RBM7: variants seen among roughly 807,000 people sequenced by gnomAD.
RBM7 encodes the protein RNA-binding protein 7.
A neutral mutation model predicts 31.0 loss-of-function variants in RBM7; 13 were observed. That is an observed-to-expected ratio of 0.42 (90% CI 0.27 to 0.67). The LOEUF (loss-of-function observed/expected upper bound fraction) is 0.67. Ranked by LOEUF, RBM7 falls within the 30% of genes least tolerant of loss-of-function variation. RBM7 has a pLI of 0.24. For missense variants in RBM7, 245 were observed against 326.2 expected (o/e 0.75, Z 1.92); for synonymous variants, 106 against 111.2 (o/e 0.95, Z 0.30).
In RBM7 at chr11:114,408,504, C is replaced by G. The variant is rs1489475464; in HGVS notation, c.*697C>G. ...AAAAATACAGTGTTAGCATAAATCCCCTTTTCAGGAAGAACAAAAATGTCA... is the reference window on the plus strand; with the variant it reads ...AAAAATACAGTGTTAGCATAAATCCGCTTTTCAGGAAGAACAAAAATGTCA... On this transcript the variant is annotated 3_prime_UTR_variant, in exon 5 of 5. Coordinates refer to ENST00000375490, the MANE Select transcript of RBM7 (RefSeq NM_001286045.2). The G allele has an allele frequency of 6.6e-6, 1 of 152,654 alleles. No homozygotes were observed. The highest frequency in any genetic ancestry group is 1.5e-5 in the Non-Finnish European group (1 of 67,998). 9.5% of individuals were successfully genotyped at this position (152,654 alleles called of 1,614,324 possible).
At chr11:114,407,254 GAGT>G (rs1361489427) in intron 4 of RBM7, 188 bp from the exon 5 acceptor site, 1 of 516,128 alleles carries the variant, frequency 1.9e-6, no homozygotes, top group African/African-American at 1.9e-5. Flanking sequence ...TGAGGACAAA[GAGT>G]AGTATTTATG....
At chr11:114,406,373 A>G (rs1040971641) in intron 4 of RBM7, 8 of 152,218 alleles carry the variant, frequency 5.3e-5, no homozygotes, top group African/African-American at 1.9e-4. Flanking sequence ...GCAAAATGAA[A>G]TATAGAAGTC....
At chr11:114,404,887 A>C (rs1259335997) in intron 3 of RBM7, among the ~76,000 whole-genome samples, 5 of 152,238 alleles carry the variant, frequency 3.3e-5, no homozygotes, top group African/African-American at 1.2e-4. Context: ...ATTTAAAAAT[A>C]ATTTAAAACA....
intron 2 of RBM7, 40 bp from the exon 3 acceptor site, chr11:114,402,788 T>G (rs200901876): frequency 2.6e-6 from 4 of 1,519,904 alleles, no homozygotes; most frequent in Non-Finnish European, 3.7e-6. Context: ...TCAAATTAGA[T>G]TTTCTATCAA....
At chr11:114,406,200 TG>T (rs1946264583) in intron 4 of RBM7, 1 of 153,580 alleles carries the variant, frequency 6.5e-6, no homozygotes, top group Non-Finnish European at 1.4e-5. Context: ...TTTCTTTTTT[TG>T]GTGGTGGTAA....
chr11:114,408,468 A>G lies in RBM7; in HGVS notation c.*661A>G, dbSNP rs1210450407. The G allele has an allele frequency of 6.5e-6, 1 of 152,770 alleles. No individual in the cohort carries two copies. The highest frequency in any genetic ancestry group is 1.5e-5 in the Non-Finnish European group (1 of 68,024). 9.5% of individuals were successfully genotyped at this position (152,770 alleles called of 1,614,324 possible). A position where few individuals can be genotyped will look rare whatever the true frequency, so the allele number is the denominator to read the frequency against. ...GAAGTTAAAATATCTCTACACGTATATTTTTACATTAAAAATACAGTGTTA... is the reference window on the plus strand; with the variant it reads ...GAAGTTAAAATATCTCTACACGTATGTTTTTACATTAAAAATACAGTGTTA... On this transcript the variant is annotated 3_prime_UTR_variant, in exon 5 of 5. Transcript: ENST00000375490.
chr11:114,405,631 A>C, intron 3 of RBM7, 75 bp from the exon 4 acceptor site: 7 of 1,014,956 alleles, frequency 6.9e-6, no homozygotes, highest in Non-Finnish European at 7.1e-6. Context: ...GACCTTTGAG[A>C]AATGTGTTCT....
chr11:114,409,943 T>G lies in RBM7; in HGVS notation c.*2136T>G, dbSNP rs923739121. On this transcript the variant is annotated 3_prime_UTR_variant, in exon 5 of 5. Coordinates refer to ENST00000375490, the MANE Select transcript of RBM7 (RefSeq NM_001286045.2). The stretch of plus-strand genomic sequence containing the variant: ...AGGTTTGAGCATCCCTTATTCAAAA[T>G]GCTTGAGAAGTGTTTTGGGTTCTGG... 2 of 152,188 alleles carry G rather than the reference T, an allele frequency of 1.3e-5. No homozygotes were observed. The highest frequency in any genetic ancestry group is 2.9e-5 in the Non-Finnish European group (2 of 68,042). 9.4% of individuals were successfully genotyped at this position (152,188 alleles called of 1,614,324 possible). A position where few individuals can be genotyped will look rare whatever the true frequency, so the allele number is the denominator to read the frequency against.
intron 3 of RBM7, among the ~76,000 whole-genome samples, chr11:114,403,381 G>A (rs1946228883): frequency 6.6e-6 from 1 of 152,176 alleles, no homozygotes; most frequent in Admixed American, 6.5e-5. Flanking sequence ...TTCTAGGTCT[G>A]CATCTATCAA....
chr11:114,402,280 G>C (rs1364394030), intron 2 of RBM7: 1 of 163,952 alleles, frequency 6.1e-6, no homozygotes. Context: ...ATTATGGTCA[G>C]ATTGGATATT....
Position 114,408,065 on chromosome 11 carries a change from C to A in RBM7, c.*258C>A, listed in dbSNP as rs1395690682. 1 of 270,842 alleles carries A rather than the reference C, an allele frequency of 3.7e-6. No individual in the cohort carries two copies. The highest frequency in any genetic ancestry group is 6.9e-6 in the Non-Finnish European group (1 of 144,882). 16.8% of individuals were successfully genotyped at this position (270,842 alleles called of 1,614,324 possible). Reference sequence around the variant, plus strand: ...CTACAATTCCTAATCATTTTAGACACTTTAGGAGGGGGTGAAGTTGTATGA... The same window carrying A: ...CTACAATTCCTAATCATTTTAGACAATTTAGGAGGGGGTGAAGTTGTATGA... On this transcript the variant is annotated 3_prime_UTR_variant, in exon 5 of 5. Coordinates refer to ENST00000375490, the MANE Select transcript of RBM7 (RefSeq NM_001286045.2).
rs536381090 is a variant in RBM7 at position 114,408,668 on chromosome 11, A to G, written c.*861A>G. ...CATTTTCAAAGTGCCCAGACTGTGT[A>G]CAAAGACACATGTAATGGAGATTGT... On this transcript the variant is annotated 3_prime_UTR_variant, in exon 5 of 5. Coordinates refer to ENST00000375490, the MANE Select transcript of RBM7 (RefSeq NM_001286045.2). 1.3e-5 allele frequency: 2 copies of G among 152,584 alleles called. No homozygotes were observed. Among genetic ancestry groups the G allele is most frequent in the East Asian group, 3.8e-4 (2 of 5,324 alleles). The allele number at this position is 152,584 out of a possible 1,614,324, so 9.5% of individuals were successfully genotyped here.
At position 114,410,061 on chromosome 11, in the gene RBM7, T is replaced by C. The variant is rs1230625682; in HGVS notation, c.*2254T>C. ...TTTCCCCTGAGTGTCACATCTGTATTGGCACTCAAAAAGTTTCATATTTTG... is the reference window on the plus strand; with the variant it reads ...TTTCCCCTGAGTGTCACATCTGTATCGGCACTCAAAAAGTTTCATATTTTG... On this transcript the variant is annotated 3_prime_UTR_variant, in exon 5 of 5. Coordinates refer to ENST00000375490, the MANE Select transcript of RBM7 (RefSeq NM_001286045.2). 1 of 152,300 alleles carries C rather than the reference T, an allele frequency of 6.6e-6. No individual in the cohort carries two copies. The highest frequency in any genetic ancestry group is 2.4e-5 in the African/African-American group (1 of 41,560). 9.4% of individuals were successfully genotyped at this position (152,300 alleles called of 1,614,324 possible). A position where few individuals can be genotyped will look rare whatever the true frequency, so the allele number is the denominator to read the frequency against.
intron 2 of RBM7, 135 bp downstream of exon 2, chr11:114,401,995 CTT>C (rs1184753418): frequency 1.2e-6 from 1 of 816,444 alleles, no homozygotes; most frequent in African/African-American, 1.8e-5. Context: ...ATATAGCAAA[CTT>C]TATATATCCC....
intron 3 of RBM7, 94 bp from the exon 4 acceptor site, chr11:114,405,612 G>GTTCA: frequency 1.3e-6 from 1 of 768,862 alleles, no homozygotes; most frequent in Non-Finnish European, 2.0e-6. Flanking sequence ...TTCCTGTCTT[G>GTTCA]TTCATTCCGA....
rs1340096221 is a variant in RBM7, at chr11:114,408,485, A to G, written c.*678A>G. On this transcript the variant is annotated 3_prime_UTR_variant, in exon 5 of 5. Coordinates refer to ENST00000375490, the MANE Select transcript of RBM7 (RefSeq NM_001286045.2). ...ACACGTATATTTTTACATTAAAAAT[A>G]CAGTGTTAGCATAAATCCCCTTTTC... is the stretch of plus-strand genomic sequence containing the variant. 6 of 152,796 alleles carry G rather than the reference A, an allele frequency of 3.9e-5. No homozygotes were observed. Among genetic ancestry groups the G allele is most frequent in the Non-Finnish European group, 8.8e-5 (6 of 68,026 alleles). 9.5% of individuals were successfully genotyped at this position (152,796 alleles called of 1,614,324 possible). A position where few individuals can be genotyped will look rare whatever the true frequency, so the allele number is the denominator to read the frequency against.
intron 3 of RBM7, 150 bp from the exon 4 acceptor site, chr11:114,405,556 T>C: frequency 2.2e-6 from 1 of 450,558 alleles, no homozygotes; most frequent in Non-Finnish European, 3.9e-6. Context: ...TGAGAAAATA[T>C]CCTGTTGTCT....
At chr11:114,404,835 C>T (rs1565260962) in intron 3 of RBM7, among the ~76,000 whole-genome samples, 1 of 151,538 alleles carries the variant, frequency 6.6e-6, no homozygotes, top group Non-Finnish European at 1.5e-5. Context: ...TTAAAAGATC[C>T]AAAGTGTAAG....
chr11:114,401,084 C>A (rs1946193489), intron 1 of RBM7, among the ~76,000 whole-genome samples: 1 of 152,160 alleles, frequency 6.6e-6, no homozygotes, highest in African/African-American at 2.4e-5. Flanking sequence ...CTTATCCTTC[C>A]TGTTGTCATC....
Sources: allele counts gnomAD v4.1 joint callset (sites outside exome capture counted in the v4.1 genomes callset), GRCh38; gene constraint gnomAD v4.1.1; transcripts MANE v1.5; gene names NCBI Gene and HGNC (gene_info 2026-07-23, HGNC 2026-07-21).